The following PAPPA2 variants were observed in gnomAD, a reference collection of about 807,000 sequenced individuals.
The protein encoded by PAPPA2 is pappalysin 2.
PAPPA2 carries 86 observed loss-of-function variants against 176.4 expected under a neutral mutation model. The observed-to-expected ratio is 0.49, with a 90% CI of 0.41 to 0.58. The LOEUF is 0.58. Ranked by LOEUF, PAPPA2 falls within the 20% of genes least tolerant of loss-of-function variation. PAPPA2 has a pLI of 0.00. For missense variants in PAPPA2, 2,073 were observed against 2,256.9 expected (o/e 0.92, Z 1.65); for synonymous variants, 809 against 852.2 (o/e 0.95, Z 0.88).
intron 1 of PAPPA2, among the ~76,000 whole-genome samples, chr1:176,510,917 T>A (rs1439957763): frequency 2.0e-5 from 3 of 146,410 alleles, no homozygotes; most frequent in Admixed American, 6.8e-5. Flanking sequence ...ATAAAAACAT[T>A]TAATTTAATC....
chr1:176,626,723 T>TAATTAGCATGAGGATTAGGGA (rs1436464878), intron 3 of PAPPA2, among the ~76,000 whole-genome samples: 15 of 152,086 alleles, frequency 9.9e-5, no homozygotes, highest in Non-Finnish European at 1.9e-4. Context: ...AAGAAGAGTG[T>TAATTAGCATGAGGATTAGGGA]AATTAGCATG....
At chr1:176,551,662 G>T (rs1650958559) in intron 1 of PAPPA2, among the ~76,000 whole-genome samples, 1 of 152,118 alleles carries the variant, frequency 6.6e-6, no homozygotes, top group Non-Finnish European at 1.5e-5. Flanking sequence ...GTAAATATAA[G>T]CAAAACACTC....
chr1:176,552,823 G>A (rs1025509907), intron 1 of PAPPA2, among the ~76,000 whole-genome samples: 4 of 152,118 alleles, frequency 2.6e-5, no homozygotes, highest in Non-Finnish European at 4.4e-5. Context: ...GCCACAGATA[G>A]TGCTTTGGAG....
At chr1:176,564,138 T>C (rs1027236668) in intron 2 of PAPPA2, among the ~76,000 whole-genome samples, 6 of 152,186 alleles carry the variant, frequency 3.9e-5, no homozygotes, top group African/African-American at 9.7e-5. Flanking sequence ...ACAACTACCT[T>C]ACGCAAATGC....
chr1:176,513,336 A>C (rs1648729107), intron 1 of PAPPA2, among the ~76,000 whole-genome samples: 1 of 151,904 alleles, frequency 6.6e-6, no homozygotes, highest in East Asian at 1.9e-4. Context: ...ATTGTTAATA[A>C]TTTTTTCTTT....
chr1:176,625,266 G>A (rs866351598), intron 3 of PAPPA2, among the ~76,000 whole-genome samples: 1 of 152,290 alleles, frequency 6.6e-6, no homozygotes, highest in South Asian at 2.1e-4. Flanking sequence ...GAGAAGACAG[G>A]AGGAGAGTGT....
At chr1:176,552,140 A>T (rs977649741) in intron 1 of PAPPA2, among the ~76,000 whole-genome samples, 8 of 151,800 alleles carry the variant, frequency 5.3e-5, no homozygotes, top group Non-Finnish European at 1.0e-4. Flanking sequence ...ATCATCATGG[A>T]TCTAACTGCC....
chr1:176,710,173 C>T lies in PAPPA2; in HGVS notation c.3648C>T (p.Ser1216=), dbSNP rs1457868570. Residue 1216 remains serine, a synonymous_variant, in exon 11 of 23, where the codon TCC becomes TCT. Transcript: ENST00000367662. ...PVSLVTGEPH[S]LICTSYHPDL... is the part of the protein sequence containing the mutation. The stretch of plus-strand genomic sequence containing the variant: ...CCTTGGTAACTGGAGAACCTCATTC[C>T]CTAGTAAGTTAAGCCAGATGAATAG... 1 of 1,612,790 alleles carries T rather than the reference C, an allele frequency of 6.2e-7. No homozygotes were observed. The highest frequency in any genetic ancestry group is 8.5e-7 in the Non-Finnish European group (1 of 1,179,308).
intron 1 of PAPPA2, among the ~76,000 whole-genome samples, chr1:176,550,042 T>G (rs1036059869): frequency 6.6e-6 from 1 of 152,246 alleles, no homozygotes; most frequent in Non-Finnish European, 1.5e-5. Context: ...CACTGATCCA[T>G]TCTCTGTTCT....
At chr1:176,719,163 T>G (rs1482560280) in intron 12 of PAPPA2, among the ~76,000 whole-genome samples, 1 of 152,050 alleles carries the variant, frequency 6.6e-6, no homozygotes, top group African/African-American at 2.4e-5. Flanking sequence ...ACCTGCAACC[T>G]TAATAATCAA....
chr1:176,800,073 A>C lies in PAPPA2; in HGVS notation c.5143A>C (p.Thr1715Pro). Residue 1715 changes from threonine (T) to proline (P), a missense_variant, in exon 21 of 23, where the codon ACT (threonine) becomes CCT (proline). By Grantham distance (38) the Thr-to-Pro change is conservative. Around this residue, in one of 4 missense-constraint regions of PAPPA2, gnomAD observed 846 missense variants for 857.9 expected, o/e 0.99. Coordinates refer to ENST00000367662, the MANE Select transcript of PAPPA2 (RefSeq NM_020318.3). ...EPVKVQSIVCTGRRQWHPDPV... is the reference protein window; with the variant it reads ...EPVKVQSIVCPGRRQWHPDPV... ...TCTTTCCCCTTAGAGCATTGTGTGC[A>C]CTGGCCGGCGTCAATGGCACCCAGA... 3 of 1,614,042 alleles carry C rather than the reference A, an allele frequency of 1.9e-6. No individual in the cohort carries two copies. Among genetic ancestry groups the C allele is most frequent in the Non-Finnish European group, 2.5e-6 (3 of 1,179,928 alleles).
At chr1:176,668,802 A>T (rs565003145) in intron 3 of PAPPA2, among the ~76,000 whole-genome samples, 14 of 152,298 alleles carry the variant, frequency 9.2e-5, no homozygotes, top group African/African-American at 2.9e-4. Context: ...TTGACGACAT[A>T]TATCTGTATC....
chr1:176,699,793 CCAT>C (rs955501664), intron 8 of PAPPA2, among the ~76,000 whole-genome samples: 4 of 152,058 alleles, frequency 2.6e-5, no homozygotes, highest in African/African-American at 9.7e-5. Context: ...ATTGCTGATG[CCAT>C]CATCATGATT....
intron 3 of PAPPA2, among the ~76,000 whole-genome samples, chr1:176,633,228 C>T (rs568491982): frequency 6.6e-6 from 1 of 152,206 alleles, no homozygotes; most frequent in Non-Finnish European, 1.5e-5. Flanking sequence ...GTAAAGTCTC[C>T]TGTGTTGGTC....
chr1:176,671,055 C>A lies in PAPPA2; in HGVS notation c.2077C>A (p.Arg693=). Residue 693 remains arginine, a synonymous_variant, in exon 4 of 23, where the codon CGG becomes AGG. Coordinates refer to ENST00000367662, the MANE Select transcript of PAPPA2 (RefSeq NM_020318.3). ...FLNIYFASSV[R]EDLAGAATWP... is the part of the protein sequence containing the mutation. ...CAACATCTACTTTGCCAGCTCAGTG[C>A]GGGAAGACCTTGCAGGTGCTGCCAC... 1 of 1,613,928 alleles carries A rather than the reference C, an allele frequency of 6.2e-7. No homozygotes were observed. Among genetic ancestry groups the A allele is most frequent in the Non-Finnish European group, 8.5e-7 (1 of 1,179,910 alleles).
chr1:176,819,764 C>T (rs1666580152), intron 21 of PAPPA2, among the ~76,000 whole-genome samples: 1 of 152,136 alleles, frequency 6.6e-6, no homozygotes, highest in African/African-American at 2.4e-5. Flanking sequence ...GAATGCCTTC[C>T]AGGAGTTGCA....
At chr1:176,796,527 T>C (rs1036367856) in intron 20 of PAPPA2, among the ~76,000 whole-genome samples, 1 of 152,190 alleles carries the variant, frequency 6.6e-6, no homozygotes, top group African/African-American at 2.4e-5. Flanking sequence ...TAACAAGACA[T>C]TTAACCAGGC....
At chr1:176,545,329 G>A (rs1484136167) in intron 1 of PAPPA2, among the ~76,000 whole-genome samples, 5 of 151,964 alleles carry the variant, frequency 3.3e-5, no homozygotes, top group Non-Finnish European at 4.4e-5. Flanking sequence ...GGAGCTGTGT[G>A]CCAGTACCTG....
At chr1:176,580,826 A>G (rs1363147300) in intron 2 of PAPPA2, among the ~76,000 whole-genome samples, 1 of 151,906 alleles carries the variant, frequency 6.6e-6, no homozygotes, top group Non-Finnish European at 1.5e-5. Context: ...TCATCTGATT[A>G]TTTGTACTTT....
Sources: allele counts gnomAD v4.1 joint callset (sites outside exome capture counted in the v4.1 genomes callset), GRCh38; gene constraint gnomAD v4.1.1; regional missense constraint gnomAD v4.1.1; transcripts MANE v1.5; gene names NCBI Gene and HGNC (gene_info 2026-07-23, HGNC 2026-07-21).